RANBP17: variants seen among roughly 807,000 people sequenced by gnomAD.
The protein encoded by RANBP17 is ran-binding protein 17.
RANBP17 carries 158 observed loss-of-function variants against 141.2 expected under a neutral mutation model. The observed-to-expected ratio is 1.12, with a 90% CI of 0.98 to 1.28. RANBP17 has a LOEUF of 1.28. Ranked by LOEUF, RANBP17 falls within the 50% of genes most tolerant of loss-of-function variation. The probability of loss-of-function intolerance (pLI) is 0.00; values close to 1 mark genes in which losing one functional copy is unlikely to be tolerated. For missense variants in RANBP17, 1,438 were observed against 1,290.7 expected (o/e 1.11, Z -1.75); for synonymous variants, 430 against 450.0 (o/e 0.96, Z 0.56).
At chr5:170,892,624 A>G (rs903138079) in intron 4 of RANBP17, 71 bp downstream of exon 4, 1 of 1,197,060 alleles carries the variant, frequency 8.4e-7, no homozygotes, top group Non-Finnish European at 1.2e-6. Flanking sequence ...TGCTCTTCTT[A>G]AAGCGATATA....
chr5:170,950,002 AC>A (rs1263087911), intron 12 of RANBP17, among the ~76,000 whole-genome samples: 1 of 152,140 alleles, frequency 6.6e-6, no homozygotes, highest in African/African-American at 2.4e-5. Flanking sequence ...GGGAAAGGAT[AC>A]CCTCTTTAAT....
At chr5:171,236,181 C>T (rs1000005393) in intron 22 of RANBP17, among the ~76,000 whole-genome samples, 6 of 152,176 alleles carry the variant, frequency 3.9e-5, no homozygotes, top group Non-Finnish European at 7.3e-5. Context: ...CGCATAACTG[C>T]TCCTTCCAAT....
At chr5:171,216,005 C>T (rs1245797708) in intron 21 of RANBP17, among the ~76,000 whole-genome samples, 2 of 152,122 alleles carry the variant, frequency 1.3e-5, no homozygotes, top group East Asian at 3.9e-4. Context: ...AATGGTATTG[C>T]CTAGGTTTTC....
Position 171,096,939 on chromosome 5 carries a change from AG to A in RANBP17, c.1711-73189del, listed in dbSNP as rs1435029316. 1.4e-3 allele frequency among the ~76,000 whole-genome samples: 213 copies of A among 152,316 alleles called. 2 individuals are homozygous for A. Among genetic ancestry groups the A allele is most frequent in the African/African-American group, 4.8e-3 (200 of 41,588 alleles). Reference sequence around the variant, plus strand: ...TAAGAAAATCATCTTTAGTACAAGAAGGATTATAATGGTTTTGGTTGAAGTT... The same window carrying A: ...TAAGAAAATCATCTTTAGTACAAGAAGATTATAATGGTTTTGGTTGAAGTT... On this transcript the variant is annotated intron_variant, in intron 14 of 27. Coordinates refer to ENST00000523189, the MANE Select transcript of RANBP17 (RefSeq NM_022897.5).
chr5:171,121,537 A>T (rs2127773762), intron 14 of RANBP17, among the ~76,000 whole-genome samples: 1 of 152,324 alleles, frequency 6.6e-6, no homozygotes, highest in Non-Finnish European at 1.5e-5. Context: ...GCCCAGTAGC[A>T]TGTTGGCTGT....
At chr5:171,105,236 G>T (rs1011381302) in intron 14 of RANBP17, among the ~76,000 whole-genome samples, 85 of 150,444 alleles carry the variant, frequency 5.6e-4, no homozygotes, top group African/African-American at 1.8e-3. Context: ...CAAAAAATTA[G>T]CCGGGCGTAG....
At chr5:171,114,305 C>T (rs1755459306) in intron 14 of RANBP17, among the ~76,000 whole-genome samples, 1 of 151,952 alleles carries the variant, frequency 6.6e-6, no homozygotes, top group African/African-American at 2.4e-5. Context: ...TCAGACAGTC[C>T]AGCCATTCTG....
chr5:171,024,974 A>G (rs1781134018), intron 14 of RANBP17, among the ~76,000 whole-genome samples: 2 of 152,148 alleles, frequency 1.3e-5, no homozygotes, highest in South Asian at 4.1e-4. Context: ...AGAATTCATG[A>G]TATCCTCTGA....
chr5:171,092,451 T>C (rs1786366947), intron 14 of RANBP17, among the ~76,000 whole-genome samples: 1 of 152,216 alleles, frequency 6.6e-6, no homozygotes, highest in South Asian at 2.1e-4. Context: ...CCTTTCATAA[T>C]AGTGTCAGCA....
chr5:171,214,099 C>G (rs1055919564), intron 21 of RANBP17, among the ~76,000 whole-genome samples: 3 of 152,132 alleles, frequency 2.0e-5, no homozygotes, highest in Non-Finnish European at 4.4e-5. Flanking sequence ...GTTTAGAGGT[C>G]TCTGAGTTGA....
intron 14 of RANBP17, among the ~76,000 whole-genome samples, chr5:171,151,560 C>G (rs1758478747): frequency 6.6e-6 from 1 of 152,124 alleles, no homozygotes; most frequent in Non-Finnish European, 1.5e-5. Context: ...AGATTCTCAA[C>G]AAGTTATTAT....
At chr5:171,234,929 G>A (rs1430043928) in intron 22 of RANBP17, among the ~76,000 whole-genome samples, 4 of 152,180 alleles carry the variant, frequency 2.6e-5, no homozygotes. Context: ...AGGAATGAGT[G>A]TGCATGCTTC....
chr5:170,873,452 A>G (rs1162456948), intron 1 of RANBP17, among the ~76,000 whole-genome samples: 1 of 152,222 alleles, frequency 6.6e-6, no homozygotes, highest in Non-Finnish European at 1.5e-5. Context: ...CTCTGGTAGA[A>G]TTCGACTGTG....
chr5:170,979,599 A>C (rs1488244637), intron 14 of RANBP17, among the ~76,000 whole-genome samples: 1 of 152,124 alleles, frequency 6.6e-6, no homozygotes, highest in African/African-American at 2.4e-5. Context: ...ATCTCACAAA[A>C]TCTGATGGTT....
intron 12 of RANBP17, among the ~76,000 whole-genome samples, chr5:170,928,727 A>G (rs1200413587): frequency 6.6e-6 from 1 of 151,720 alleles, no homozygotes; most frequent in Non-Finnish European, 1.5e-5. Context: ...TGATTACTGT[A>G]GCATTAATAA....
At chr5:171,291,150 A>T (rs939473828) in intron 25 of RANBP17, among the ~76,000 whole-genome samples, 11 of 152,134 alleles carry the variant, frequency 7.2e-5, no homozygotes, top group Non-Finnish European at 1.3e-4. Context: ...CTGTGGGAAG[A>T]ATGGAGGAGA....
intron 12 of RANBP17, among the ~76,000 whole-genome samples, chr5:170,931,386 T>C (rs1436724658): frequency 2.6e-5 from 4 of 152,236 alleles, no homozygotes; most frequent in Non-Finnish European, 5.9e-5. Flanking sequence ...GATGGTAGTT[T>C]CTTTTGCTGT....
intron 14 of RANBP17, among the ~76,000 whole-genome samples, chr5:171,001,293 T>G (rs953932378): frequency 6.6e-6 from 1 of 152,052 alleles, no homozygotes; most frequent in East Asian, 1.9e-4. Context: ...CTGAATGCGG[T>G]TTTGTATGAA....
chr5:171,190,031 GA>G (rs1761523556), intron 18 of RANBP17, among the ~76,000 whole-genome samples: 1 of 151,996 alleles, frequency 6.6e-6, no homozygotes, highest in Non-Finnish European at 1.5e-5. Flanking sequence ...TGGGAGTGGG[GA>G]TAAGAATCAC....
Sources: gnomAD v4.1 joint callset for allele counts (sites outside exome capture counted in the v4.1 genomes callset) on GRCh38, gnomAD v4.1.1 for gene constraint, MANE v1.5 for transcripts, NCBI Gene and HGNC (gene_info 2026-07-23, HGNC 2026-07-21) for gene names.